The following AGMO variants were observed in gnomAD, a reference collection of about 807,000 sequenced individuals.
The protein encoded by AGMO is glyceryl-ether monooxygenase.
In AGMO, 75 loss-of-function variants were observed where a neutral mutation model predicts 60.2. That is an observed-to-expected ratio of 1.25 (90% CI 1.03 to 1.51). The LOEUF (loss-of-function observed/expected upper bound fraction) is 1.51. Ranked by LOEUF, AGMO falls within the 40% of genes most tolerant of loss-of-function variation. The pLI is 0.00. For synonymous variants in AGMO, 261 were observed against 177.1 expected (o/e 1.47, Z -3.76); for missense variants, 763 against 525.5 (o/e 1.45, Z -4.42).
chr7:15,322,915 C>T (rs1022950219), intron 12 of AGMO, among the ~76,000 whole-genome samples: 3 of 146,058 alleles, frequency 2.1e-5, no homozygotes, highest in African/African-American at 7.5e-5. Context: ...TATATATACA[C>T]ATATATGTGT....
chr7:15,531,508 ATTCTC>A (rs1784353131), intron 3 of AGMO, among the ~76,000 whole-genome samples: 1 of 74,832 alleles, frequency 1.3e-5, no homozygotes, highest in Non-Finnish European at 2.3e-5. Flanking sequence ...TTCTATATAT[ATTCTC>A]TATATATATT....
chr7:15,499,029 C>A (rs1390523604), intron 3 of AGMO, among the ~76,000 whole-genome samples: 1 of 151,844 alleles, frequency 6.6e-6, no homozygotes, highest in Non-Finnish European at 1.5e-5. Flanking sequence ...TTACAGAATT[C>A]TTCTTATTCT....
intron 5 of AGMO, among the ~76,000 whole-genome samples, chr7:15,397,446 G>A (rs1784437946): frequency 6.6e-6 from 1 of 152,086 alleles, no homozygotes; most frequent in South Asian, 2.1e-4. Context: ...CCCACAGAGG[G>A]CCCCCCACAG....
At chr7:15,171,502 G>A in the AGMO span, among the ~76,000 whole-genome samples, 4 of 152,144 alleles carry the variant, frequency 2.6e-5, no homozygotes, top group Non-Finnish European at 5.9e-5. Flanking sequence ...TGGGTTGTGA[G>A]GAGTTAAGCT....
chr7:15,370,664 T>C (rs975601438), intron 10 of AGMO, among the ~76,000 whole-genome samples: 5 of 150,812 alleles, frequency 3.3e-5, no homozygotes, highest in Non-Finnish European at 7.4e-5. Context: ...TTTTTTCATG[T>C]TTGTTGGATA....
chr7:15,275,802 T>G (rs1783769094), intron 12 of AGMO, among the ~76,000 whole-genome samples: 1 of 152,208 alleles, frequency 6.6e-6, no homozygotes, highest in South Asian at 2.1e-4. Context: ...TTTTGTCTTT[T>G]TTTTTAACCA....
chr7:15,529,534 T>TATATATATTCTATATATATAGA lies in AGMO; in HGVS notation c.409+15216_409+15237dup, dbSNP rs1176926613. ...TAGAATCTGTTCTTAGACTAGAATATATATATATTCTATATATATAGAATA... is the reference window on the plus strand; with the variant it reads ...TAGAATCTGTTCTTAGACTAGAATATATATATATTCTATATATATAGAATATATATTCTATATATATAGAATA... On this transcript the variant is annotated intron_variant, in intron 3 of 12. Coordinates refer to ENST00000342526, the MANE Select transcript of AGMO (RefSeq NM_001004320.2). Among the ~76,000 whole-genome samples, 677 of 127,596 alleles carry TATATATATTCTATATATATAGA rather than the reference T, an allele frequency of 5.3e-3. 11 individuals are homozygous for TATATATATTCTATATATATAGA. The highest frequency in any genetic ancestry group is 0.029 in the South Asian group (118 of 4,140). 83.7% of individuals were successfully genotyped at this position (127,596 alleles called of 152,430 possible).
At chr7:15,361,569 G>C (rs182342510) in intron 12 of AGMO, among the ~76,000 whole-genome samples, 2 of 90,936 alleles carry the variant, frequency 2.2e-5, no homozygotes, top group East Asian at 2.5e-4. Flanking sequence ...TTGAGATTTA[G>C]ATTAAAGGAC....
chr7:15,176,690 T>A, the AGMO span, among the ~76,000 whole-genome samples: 1 of 151,982 alleles, frequency 6.6e-6, no homozygotes, highest in African/African-American at 2.4e-5. Flanking sequence ...CAGGGGCACT[T>A]AAGCAAATTT....
chr7:15,198,237 GAGAGAGAGAGAGAGAGAGAC>G (rs1425009163), downstream of AGMO, among the ~76,000 whole-genome samples: 1,458 of 112,736 alleles, frequency 0.013, 45 homozygotes, highest in African/African-American at 0.05. Flanking sequence ...GAGAGAGAGA[GAGAGAGAGAGAGAGAGAGAC>G]AGAGACAGAG....
At chr7:15,185,493 C>G in the AGMO span, among the ~76,000 whole-genome samples, 2 of 152,168 alleles carry the variant, frequency 1.3e-5, no homozygotes, top group Non-Finnish European at 1.5e-5. Context: ...ATCTCCTAAA[C>G]CACGCACTTT....
the AGMO span, among the ~76,000 whole-genome samples, chr7:15,152,249 T>G: frequency 6.6e-6 from 1 of 152,140 alleles, no homozygotes; most frequent in Admixed American, 6.6e-5. Context: ...TTTAAAATTT[T>G]TATGTATATT....
chr7:15,542,500 G>A (rs1784656078), intron 3 of AGMO, among the ~76,000 whole-genome samples: 1 of 152,046 alleles, frequency 6.6e-6, no homozygotes, highest in Admixed American at 6.6e-5. Flanking sequence ...TTTGTTTCCT[G>A]TTATAATGGG....
At chr7:15,365,204 T>C (rs762896701) in intron 12 of AGMO, among the ~76,000 whole-genome samples, 4 of 151,796 alleles carry the variant, frequency 2.6e-5, no homozygotes, top group Non-Finnish European at 4.4e-5. Flanking sequence ...GTAAAATCAA[T>C]TCTTCCACTT....
intron 12 of AGMO, among the ~76,000 whole-genome samples, chr7:15,245,946 G>A (rs1380605813): frequency 1.3e-5 from 2 of 152,034 alleles, no homozygotes; most frequent in African/African-American, 4.8e-5. Context: ...TGTTTCCATT[G>A]TTCCTTTCCT....
At chr7:15,403,807 CTG>C (rs1363978790) in intron 5 of AGMO, among the ~76,000 whole-genome samples, 2 of 151,916 alleles carry the variant, frequency 1.3e-5, no homozygotes, top group African/African-American at 2.4e-5. Context: ...ACTATTTCTG[CTG>C]TGTTAATTCA....
the AGMO span, among the ~76,000 whole-genome samples, chr7:15,123,021 G>A: frequency 5.8e-4 from 89 of 152,174 alleles, no homozygotes; most frequent in African/African-American, 2.1e-3. Context: ...TCCCTGTCAT[G>A]CTTTCTTTTC....
chr7:15,489,918 G>A (rs750501932), intron 3 of AGMO, among the ~76,000 whole-genome samples: 3 of 152,244 alleles, frequency 2.0e-5, no homozygotes, highest in East Asian at 1.9e-4. Context: ...AAAATGCAAC[G>A]TAGATAATTA....
At chr7:15,136,638 A>G in the AGMO span, among the ~76,000 whole-genome samples, 1 of 152,196 alleles carries the variant, frequency 6.6e-6, no homozygotes, top group African/African-American at 2.4e-5. Context: ...CATGAAGGAA[A>G]AATAACGTGT....
Sources: allele counts gnomAD v4.1 joint callset (sites outside exome capture counted in the v4.1 genomes callset), GRCh38; gene constraint gnomAD v4.1.1; transcripts MANE v1.5; gene names NCBI Gene and HGNC (gene_info 2026-07-23, HGNC 2026-07-21).